The following SIPA1L3 variants were observed in gnomAD, a reference collection of about 807,000 sequenced individuals.
SIPA1L3 encodes signal-induced proliferation-associated 1-like protein 3.
A neutral mutation model predicts 150.1 loss-of-function variants in SIPA1L3; 59 were observed. That is an observed-to-expected ratio of 0.39 (90% CI 0.32 to 0.49). SIPA1L3 has a LOEUF of 0.49. Among genes scored for constraint, SIPA1L3 ranks in the 20% least tolerant of loss-of-function variants. The pLI is 0.86. For synonymous variants in SIPA1L3, 1,070 were observed against 1,077.6 expected (o/e 0.99, Z 0.14); for missense variants, 2,211 against 2,489.5 (o/e 0.89, Z 2.38).
At chr19:38,136,818 C>T (rs999153740) in intron 10 of SIPA1L3, among the ~76,000 whole-genome samples, 11 of 152,090 alleles carry the variant, frequency 7.2e-5, no homozygotes, top group African/African-American at 2.4e-4. Context: ...CTGGGGAAGG[C>T]GAGAGCCGGG....
At chr19:38,128,175 C>T (rs889800347) in intron 9 of SIPA1L3, among the ~76,000 whole-genome samples, 17 of 151,610 alleles carry the variant, frequency 1.1e-4, no homozygotes, top group Non-Finnish European at 1.0e-4. Context: ...CTGTGTCAGC[C>T]CCCTGAGTAG....
chr19:37,974,995 G>A (rs1967041277), intron 1 of SIPA1L3, among the ~76,000 whole-genome samples: 1 of 152,170 alleles, frequency 6.6e-6, no homozygotes, highest in Non-Finnish European at 1.5e-5. Flanking sequence ...GGCTAACATG[G>A]TGAAACCCCA....
At chr19:38,024,015 G>C (rs1312620878) in intron 1 of SIPA1L3, among the ~76,000 whole-genome samples, 1 of 152,152 alleles carries the variant, frequency 6.6e-6, no homozygotes, top group African/African-American at 2.4e-5. Flanking sequence ...TCCTTGGGGA[G>C]GGGGAGGGGG....
chr19:38,103,719 C>G (rs569997772), intron 6 of SIPA1L3, among the ~76,000 whole-genome samples: 1 of 150,852 alleles, frequency 6.6e-6, no homozygotes, highest in African/African-American at 2.4e-5. Context: ...GTCAGGAGAT[C>G]GAGACCATCC....
intron 10 of SIPA1L3, 42 bp downstream of exon 10, chr19:38,130,814 C>A (rs1165517287): frequency 6.4e-7 from 1 of 1,560,888 alleles, no homozygotes; most frequent in East Asian, 2.3e-5. Flanking sequence ...GGTGGCAGCT[C>A]CCAGATCGCT....
chr19:37,913,028 T>C (rs1265897013), intron 1 of SIPA1L3, among the ~76,000 whole-genome samples: 1 of 152,144 alleles, frequency 6.6e-6, no homozygotes, highest in Non-Finnish European at 1.5e-5. Context: ...TTGCGAGAAG[T>C]GTGCCATGGT....
At chr19:37,980,266 T>C (rs1403296181) in intron 1 of SIPA1L3, among the ~76,000 whole-genome samples, 1 of 152,214 alleles carries the variant, frequency 6.6e-6, no homozygotes, top group Non-Finnish European at 1.5e-5. Context: ...ATTTGTATTT[T>C]CCCTTGGGTA....
intron 1 of SIPA1L3, among the ~76,000 whole-genome samples, chr19:37,963,032 A>G (rs923279161): frequency 3.3e-5 from 5 of 152,196 alleles, no homozygotes; most frequent in South Asian, 4.1e-4. Flanking sequence ...TTGGTTCAGC[A>G]TGGTTTAGTG....
chr19:38,180,447 A>G (rs941067514), intron 15 of SIPA1L3, among the ~76,000 whole-genome samples: 4 of 147,122 alleles, frequency 2.7e-5, no homozygotes, highest in African/African-American at 1.0e-4. Context: ...TAGGCCTGCT[A>G]ATTGTATTGA....
chr19:38,036,399 A>G (rs1328385714), intron 2 of SIPA1L3, among the ~76,000 whole-genome samples: 1 of 152,136 alleles, frequency 6.6e-6, no homozygotes, highest in Non-Finnish European at 1.5e-5. Flanking sequence ...AGGGACGGAC[A>G]CTTGGCTGTG....
At chr19:38,124,323 G>A (rs1352958552) in intron 9 of SIPA1L3, among the ~76,000 whole-genome samples, 2 of 150,618 alleles carry the variant, frequency 1.3e-5, no homozygotes, top group Admixed American at 6.6e-5. Flanking sequence ...CCTCCCAGAC[G>A]GGGTCGCGGC....
chr19:38,102,592 GAA>G (rs71179412), intron 6 of SIPA1L3, among the ~76,000 whole-genome samples: 21 of 66,862 alleles, frequency 3.1e-4, no homozygotes, highest in Admixed American at 1.6e-3. Context: ...CCCTGTCTCT[GAA>G]AAAAAAAAAA....
At chr19:38,119,169 C>A in intron 8 of SIPA1L3, 137 bp from the exon 9 acceptor site, 1 of 827,010 alleles carries the variant, frequency 1.2e-6, no homozygotes, top group Non-Finnish European at 1.9e-6. Flanking sequence ...GCACTCCAGC[C>A]TGGGTGACAG....
At chr19:38,034,664 G>A (rs1247939825) in intron 2 of SIPA1L3, among the ~76,000 whole-genome samples, 4 of 152,246 alleles carry the variant, frequency 2.6e-5, no homozygotes, top group Non-Finnish European at 4.4e-5. Context: ...AATCACATCC[G>A]CCCCTGTGTA....
chr19:38,095,462 CAGG>C (rs1970356943), intron 4 of SIPA1L3, among the ~76,000 whole-genome samples: 1 of 152,182 alleles, frequency 6.6e-6, no homozygotes, highest in African/African-American at 2.4e-5. Context: ...ACGTCTGAGT[CAGG>C]AGTGAGTGGG....
At chr19:38,007,632 C>A (rs1967985328) in intron 1 of SIPA1L3, among the ~76,000 whole-genome samples, 1 of 151,862 alleles carries the variant, frequency 6.6e-6, no homozygotes, top group Non-Finnish European at 1.5e-5. Flanking sequence ...TCTTCTTCTA[C>A]CTTTTTTTGC....
intron 1 of SIPA1L3, among the ~76,000 whole-genome samples, chr19:38,003,746 C>T (rs1967868729): frequency 6.6e-6 from 1 of 152,184 alleles, no homozygotes; most frequent in African/African-American, 2.4e-5. Flanking sequence ...TTTCCTTTGT[C>T]CTCTCTCGGG....
At chr19:38,079,100 A>G (rs1329617204) in intron 2 of SIPA1L3, among the ~76,000 whole-genome samples, 4 of 152,232 alleles carry the variant, frequency 2.6e-5, no homozygotes, top group Admixed American at 2.6e-4. Context: ...TGGGAGGCCA[A>G]GGCAGGCGGA....
intron 1 of SIPA1L3, among the ~76,000 whole-genome samples, chr19:37,958,066 TATG>T (rs2046826715): frequency 6.6e-6 from 1 of 152,196 alleles, no homozygotes; most frequent in Admixed American, 6.5e-5. Flanking sequence ...CCACACTTTG[TATG>T]ATTTCAGTCC....
Sources: allele counts gnomAD v4.1 joint callset (sites outside exome capture counted in the v4.1 genomes callset), GRCh38; gene constraint gnomAD v4.1.1; transcripts MANE v1.5; gene names NCBI Gene and HGNC (gene_info 2026-07-23, HGNC 2026-07-21).